The following PHLDB2 variants were observed in gnomAD, a reference collection of about 807,000 sequenced individuals.
PHLDB2 encodes pleckstrin homology-like domain family B member 2.
Under a neutral mutation model 123.6 loss-of-function variants are expected in PHLDB2, and 71 were observed. That is an observed-to-expected ratio of 0.57 (90% CI 0.47 to 0.70). The LOEUF (loss-of-function observed/expected upper bound fraction) is 0.70, where lower values mean the gene tolerates loss of function less well. PHLDB2 is among the 30% of genes least tolerant of loss of function. The probability of loss-of-function intolerance (pLI) is 0.00; values close to 1 mark genes in which losing one functional copy is unlikely to be tolerated. For missense variants in PHLDB2, 1,446 were observed against 1,519.5 expected, an observed-to-expected ratio of 0.95 and a Z score of 0.80; for synonymous variants, 547 against 541.6, an observed-to-expected ratio of 1.01 and a Z score of -0.14.
intron 1 of PHLDB2, among the ~76,000 whole-genome samples, chr3:111,869,518 G>A (rs1576946560): frequency 2.6e-5 from 4 of 152,102 alleles, no homozygotes. Flanking sequence ...CTGTGTAATC[G>A]GTGTCCTGAG....
chr3:111,776,893 AT>A (rs2060275890), intron 1 of PHLDB2, among the ~76,000 whole-genome samples: 1 of 152,196 alleles, frequency 6.6e-6, no homozygotes, highest in African/African-American at 2.4e-5. Flanking sequence ...ACTTAAGTAT[AT>A]TTCCAAGGAA....
chr3:111,733,207 T>C (rs964549455), intron 1 of PHLDB2, among the ~76,000 whole-genome samples: 4 of 152,220 alleles, frequency 2.6e-5, no homozygotes, highest in African/African-American at 7.2e-5. Flanking sequence ...TATATTTTTC[T>C]GCTTTGGAAC....
intron 12 of PHLDB2, among the ~76,000 whole-genome samples, chr3:111,955,929 G>A (rs892454946): frequency 6.6e-6 from 1 of 152,122 alleles, no homozygotes; most frequent in Non-Finnish European, 1.5e-5. Flanking sequence ...TGCCAGGTGT[G>A]GTGGCTCATG....
chr3:111,877,792 C>G (rs1015341513), intron 1 of PHLDB2, among the ~76,000 whole-genome samples: 11 of 152,148 alleles, frequency 7.2e-5, no homozygotes, highest in African/African-American at 2.7e-4. Flanking sequence ...TATGGCTAGC[C>G]AGTTTTCCCA....
intron 1 of PHLDB2, among the ~76,000 whole-genome samples, chr3:111,876,928 C>T (rs1355664652): frequency 6.6e-6 from 1 of 152,158 alleles, no homozygotes; most frequent in Non-Finnish European, 1.5e-5. Context: ...CATAGTATTC[C>T]ATGGTGTATA....
intron 11 of PHLDB2, among the ~76,000 whole-genome samples, chr3:111,952,920 G>T (rs1258838096): frequency 1.3e-5 from 2 of 152,036 alleles, no homozygotes; most frequent in African/African-American, 4.8e-5. Context: ...CATGCTTCAG[G>T]GTATTTTCTA....
rs376513886 is a variant in PHLDB2, at chr3:111,944,204, G to A, written c.2398-1064G>A. On this transcript the variant is annotated intron_variant, in intron 8 of 17. Coordinates refer to ENST00000431670, the MANE Select transcript of PHLDB2 (RefSeq NM_001134438.2). ...CACAGGCAAAACTAGTGTTAAGGCCGTGGAAATCAGAACAATGCTTGCTCA... is the reference window on the plus strand; with the variant it reads ...CACAGGCAAAACTAGTGTTAAGGCCATGGAAATCAGAACAATGCTTGCTCA... Among the ~76,000 whole-genome samples, 400 of 152,254 alleles carry A rather than the reference G, an allele frequency of 2.6e-3. 2 individuals carry two copies. The highest frequency in any genetic ancestry group is 3.3e-3 in the Admixed American group (51 of 15,286).
intron 9 of PHLDB2, among the ~76,000 whole-genome samples, chr3:111,947,851 C>T (rs543368556): frequency 1.3e-5 from 2 of 152,194 alleles, no homozygotes; most frequent in South Asian, 4.1e-4. Flanking sequence ...AAGGTTTTTA[C>T]CAAAAATCAA....
intron 1 of PHLDB2, among the ~76,000 whole-genome samples, chr3:111,874,009 GAT>G (rs1491275581): frequency 6.6e-6 from 1 of 152,190 alleles, no homozygotes; most frequent in Non-Finnish European, 1.5e-5. Flanking sequence ...AGAAAATAAT[GAT>G]TTTTCCTATA....
At chr3:111,865,292 ATAT>A (rs1469165950) in intron 1 of PHLDB2, among the ~76,000 whole-genome samples, 1 of 152,246 alleles carries the variant, frequency 6.6e-6, no homozygotes, top group Non-Finnish European at 1.5e-5. Flanking sequence ...TACCCATATT[ATAT>A]TACATTACCA....
At chr3:111,847,251 C>T (rs1030830559) in intron 2 of PHLDB2, among the ~76,000 whole-genome samples, 1 of 152,070 alleles carries the variant, frequency 6.6e-6, no homozygotes. Flanking sequence ...TCGGTAAAGA[C>T]CAATTTATGT....
chr3:111,805,331 C>T (rs1385175175), intron 1 of PHLDB2, among the ~76,000 whole-genome samples: 4 of 152,104 alleles, frequency 2.6e-5, no homozygotes, highest in South Asian at 2.1e-4. Flanking sequence ...GAGGCTGAGG[C>T]GGGCAGATCA....
At chr3:111,737,046 A>G (rs2059519444) in intron 1 of PHLDB2, among the ~76,000 whole-genome samples, 1 of 152,226 alleles carries the variant, frequency 6.6e-6, no homozygotes, top group East Asian at 1.9e-4. Flanking sequence ...GCCAAATGGC[A>G]TGGAACCTAA....
At chr3:111,823,428 A>C (rs1358150791) in intron 1 of PHLDB2, among the ~76,000 whole-genome samples, 3 of 152,246 alleles carry the variant, frequency 2.0e-5, no homozygotes, top group Non-Finnish European at 2.9e-5. Flanking sequence ...GGTATTTATC[A>C]CTGAATTGTA....
At chr3:111,899,167 G>A (rs1320686908) in intron 2 of PHLDB2, among the ~76,000 whole-genome samples, 1 of 152,174 alleles carries the variant, frequency 6.6e-6, no homozygotes, top group East Asian at 1.9e-4. Flanking sequence ...AATGGATATT[G>A]TGTTATCAGG....
At chr3:111,812,932 G>A (rs2061905924) in intron 1 of PHLDB2, among the ~76,000 whole-genome samples, 1 of 152,120 alleles carries the variant, frequency 6.6e-6, no homozygotes, top group African/African-American at 2.4e-5. Context: ...ACAAACATTG[G>A]CAGGATGCTT....
chr3:111,842,456 T>A (rs182517457), intron 1 of PHLDB2, among the ~76,000 whole-genome samples: 27 of 152,338 alleles, frequency 1.8e-4, no homozygotes, highest in African/African-American at 6.0e-4. Flanking sequence ...ATCCATAGTT[T>A]ACATTAGGGT....
rs187246249 is a variant in PHLDB2 at position 111,951,227 on chromosome 3, C to T, written c.2632-1345C>T. On this transcript the variant is annotated intron_variant, in intron 10 of 17. Transcript: ENST00000431670. ...TGGACTACCTGGCCATGAATTCTAG[C>T]TCTGCCGCTGTCCAGCTACATGACT... Among the ~76,000 whole-genome samples the T allele has an allele frequency of 2.7e-3, 409 of 152,266 alleles. 2 individuals carry two copies. Among genetic ancestry groups the T allele is most frequent in the Non-Finnish European group, 4.0e-3 (274 of 68,014 alleles).
At position 111,838,219 on chromosome 3, in the gene PHLDB2, G is replaced by A. The variant is rs895851038; in HGVS notation, c.-48-7602G>A. Among the ~76,000 whole-genome samples the A allele has an allele frequency of 3.9e-5, 6 of 152,052 alleles. No homozygotes were observed. In the East Asian group the frequency reaches 7.7e-4, roughly 20 times the overall value. On this transcript the variant is annotated intron_variant, in intron 1 of 17. Transcript: ENST00000393923. Reference sequence around the variant, plus strand: ...TCTCGCTATGTTGCCCAGGCTTGTCGCAAACTCCTGGGCTCAAGCAGTCTT... The same window carrying A: ...TCTCGCTATGTTGCCCAGGCTTGTCACAAACTCCTGGGCTCAAGCAGTCTT...
Sources: allele counts gnomAD v4.1 joint callset (sites outside exome capture counted in the v4.1 genomes callset), GRCh38; gene constraint gnomAD v4.1.1; transcripts MANE v1.5; gene names NCBI Gene and HGNC (gene_info 2026-07-23, HGNC 2026-07-21).